PTPRD: variants seen among roughly 807,000 people sequenced by gnomAD.
PTPRD encodes protein tyrosine phosphatase receptor type D.
A neutral mutation model predicts 214.5 loss-of-function variants in PTPRD; 34 were observed. The observed-to-expected ratio is 0.16, with a 90% CI of 0.12 to 0.21. The LOEUF is 0.21. PTPRD is among the 10% of genes least tolerant of loss of function. PTPRD has a pLI of 1.00. For synonymous variants in PTPRD, 1,128 were observed against 845.7 expected, an observed-to-expected ratio of 1.33 and a Z score of -5.79; for missense variants, 2,545 against 2,398.7, an observed-to-expected ratio of 1.06 and a Z score of -1.27.
intron 11 of PTPRD, among the ~76,000 whole-genome samples, chr9:8,938,003 A>G (rs143639882): frequency 1.1e-4 from 16 of 152,318 alleles, no homozygotes; most frequent in African/African-American, 3.4e-4. Context: ...GTCTTACTAA[A>G]TAGACCTAGT....
chr9:9,059,207 A>G (rs62529462), intron 10 of PTPRD, among the ~76,000 whole-genome samples: 9,644 of 152,300 alleles, frequency 0.063, 325 homozygotes, highest in Middle Eastern at 0.092. Flanking sequence ...ATTTTCCGTT[A>G]GGACTATTCA....
At chr9:8,788,425 A>C (rs1016564883) in intron 11 of PTPRD, among the ~76,000 whole-genome samples, 1 of 151,456 alleles carries the variant, frequency 6.6e-6, no homozygotes, top group Non-Finnish European at 1.5e-5. Flanking sequence ...ACAGGCATGC[A>C]CCACCACGCC....
rs1014373380 is a variant in PTPRD at position 8,483,352 on chromosome 9, T to C, written c.3413+767A>G. Among the ~76,000 whole-genome samples the C allele has an allele frequency of 4.6e-5, 7 of 152,366 alleles. No homozygotes were observed. The East Asian group carries it at 1.3e-3, about 29-fold the overall frequency. On this transcript the variant is annotated intron_variant, in intron 30 of 45. Coordinates refer to ENST00000381196, the MANE Select transcript of PTPRD (RefSeq NM_002839.4). ...CCATTATCTAATTTCCCCCCCTTTT[T>C]TTCAACCTTTTAGTACTTTGTAAGA... is the stretch of plus-strand genomic sequence containing the variant.
At chr9:10,537,598 T>C (rs2135098826) in intron 2 of PTPRD, among the ~76,000 whole-genome samples, 1 of 152,320 alleles carries the variant, frequency 6.6e-6, no homozygotes, top group African/African-American at 2.4e-5. Flanking sequence ...TGTCTATTCC[T>C]TCTATCCATC....
At chr9:9,636,287 T>C (rs537406436) in intron 7 of PTPRD, among the ~76,000 whole-genome samples, 1 of 152,232 alleles carries the variant, frequency 6.6e-6, no homozygotes, top group Non-Finnish European at 1.5e-5. Context: ...TAGGACTTTT[T>C]GCATAGTTTG....
At chr9:9,934,418 C>A (rs1311405393) in intron 5 of PTPRD, among the ~76,000 whole-genome samples, 2 of 135,674 alleles carry the variant, frequency 1.5e-5, no homozygotes, top group Non-Finnish European at 3.2e-5. Context: ...CACAGAAAGA[C>A]AAACTACCAT....
intron 3 of PTPRD, among the ~76,000 whole-genome samples, chr9:10,100,988 T>A (rs1393879610): frequency 1.3e-5 from 2 of 151,782 alleles, no homozygotes; most frequent in Non-Finnish European, 2.9e-5. Flanking sequence ...TAGGATGGGC[T>A]TTTCAAGTTG....
chr9:10,315,839 G>C (rs931619613), intron 3 of PTPRD, among the ~76,000 whole-genome samples: 4 of 151,890 alleles, frequency 2.6e-5, no homozygotes, highest in African/African-American at 9.7e-5. Context: ...TCATTTGTTA[G>C]TTGGTGGCTT....
chr9:9,973,339 G>T (rs1347172464), intron 4 of PTPRD, among the ~76,000 whole-genome samples: 1 of 151,030 alleles, frequency 6.6e-6, no homozygotes, highest in Non-Finnish European at 1.5e-5. Context: ...AGGTGTGGTC[G>T]CTTGCGTCTG....
At chr9:9,343,678 G>A (rs1178351453) in intron 9 of PTPRD, among the ~76,000 whole-genome samples, 1 of 151,756 alleles carries the variant, frequency 6.6e-6, no homozygotes, top group East Asian at 1.9e-4. Flanking sequence ...AACAAGCAGT[G>A]CTATGAAAAA....
At chr9:8,351,428 CATA>C (rs2075415896) in intron 39 of PTPRD, among the ~76,000 whole-genome samples, 1 of 150,464 alleles carries the variant, frequency 6.6e-6, no homozygotes, top group Admixed American at 6.6e-5. Context: ...ACAAGGATAA[CATA>C]ATAATCTAAT....
At chr9:10,582,518 T>C (rs1190212702) in intron 2 of PTPRD, among the ~76,000 whole-genome samples, 1 of 152,202 alleles carries the variant, frequency 6.6e-6, no homozygotes, top group Non-Finnish European at 1.5e-5. Context: ...TTTCTTTCAT[T>C]TTCATTTAGC....
At chr9:10,035,962 A>C (rs1412522673) in intron 3 of PTPRD, among the ~76,000 whole-genome samples, 1 of 152,122 alleles carries the variant, frequency 6.6e-6, no homozygotes, top group Non-Finnish European at 1.5e-5. Context: ...AGGAGGACAT[A>C]GGTGAGTGTC....
chr9:10,466,456 T>C (rs542503817), intron 2 of PTPRD, among the ~76,000 whole-genome samples: 1 of 151,648 alleles, frequency 6.6e-6, no homozygotes, highest in East Asian at 1.9e-4. Flanking sequence ...AAACCCTGTT[T>C]CTACTAAAAA....
At chr9:8,816,762 AC>A (rs2096928085) in intron 11 of PTPRD, among the ~76,000 whole-genome samples, 1 of 152,240 alleles carries the variant, frequency 6.6e-6, no homozygotes, top group African/African-American at 2.4e-5. Flanking sequence ...CAGTCTTTTT[AC>A]ATAAACAAAA....
intron 10 of PTPRD, among the ~76,000 whole-genome samples, chr9:9,149,895 T>C (rs1327799612): frequency 6.6e-6 from 1 of 152,162 alleles, no homozygotes; most frequent in African/African-American, 2.4e-5. Context: ...AGATAGTCTT[T>C]CCATTTAAGT....
intron 11 of PTPRD, among the ~76,000 whole-genome samples, chr9:8,804,801 A>G (rs1275531669): frequency 6.6e-6 from 1 of 152,230 alleles, no homozygotes; most frequent in African/African-American, 2.4e-5. Context: ...ATCCCTAGCC[A>G]CAAGGACTTT....
intron 8 of PTPRD, among the ~76,000 whole-genome samples, chr9:9,492,270 T>C (rs2095944805): frequency 6.7e-6 from 1 of 148,938 alleles, no homozygotes; most frequent in Non-Finnish European, 1.5e-5. Context: ...CTGACATATA[T>C]CTTCTATATA....
Position 9,243,225 on chromosome 9 carries a change from G to T in PTPRD, c.-202-59862C>A, listed in dbSNP as rs548483547. Among the ~76,000 whole-genome samples, 5 of 152,202 alleles carry T rather than the reference G, an allele frequency of 3.3e-5. No individual in the cohort carries two copies. In the East Asian group the frequency reaches 9.7e-4, roughly 30 times the overall value. ...TCTACCAGAGGTACAAGGAGGAGCT[G>T]CTACCATTCCTTCTGAAACTATTAC... On this transcript the variant is annotated intron_variant, in intron 9 of 45. Transcript: ENST00000381196.
Sources: allele counts gnomAD v4.1 joint callset (sites outside exome capture counted in the v4.1 genomes callset), GRCh38; gene constraint gnomAD v4.1.1; transcripts MANE v1.5; gene names NCBI Gene and HGNC (gene_info 2026-07-23, HGNC 2026-07-21).